UBE2W: variants seen among roughly 807,000 people sequenced by gnomAD.
UBE2W encodes ubiquitin-conjugating enzyme E2 W.
In UBE2W, 18 loss-of-function variants were observed where a neutral mutation model predicts 27.2. The ratio of observed to expected loss-of-function variants is 0.66; its 90% confidence interval spans 0.46 to 0.98. UBE2W has a LOEUF of 0.98. UBE2W is among the 50% of genes least tolerant of loss of function. UBE2W has a pLI of 0.00. For synonymous variants in UBE2W, 53 were observed against 57.2 expected, an observed-to-expected ratio of 0.93 and a Z score of 0.33; for missense variants, 90 against 180.2, an observed-to-expected ratio of 0.50 and a Z score of 2.87.
chr8:73,788,818 C>T lies in UBE2W; in HGVS notation c.*5284G>A. 1 of 985,352 alleles carries T rather than the reference C, an allele frequency of 1.0e-6. No homozygotes were observed. Among genetic ancestry groups the T allele is most frequent in the Non-Finnish European group, 1.2e-6 (1 of 829,924 alleles). The allele number at this position is 985,352 out of a possible 1,614,324, so 61.0% of individuals were successfully genotyped here. On this transcript the variant is annotated 3_prime_UTR_variant, in exon 6 of 6. Coordinates refer to ENST00000602593, the MANE Select transcript of UBE2W (RefSeq NM_018299.6). ...AGAGTGTATGTGCCAAGGACTAGAA[C>T]AAGAATTGGATCTCTCCTTTTCCCA...
At chr8:73,825,843 C>G (rs1809813850) in intron 2 of UBE2W, among the ~76,000 whole-genome samples, 1 of 152,100 alleles carries the variant, frequency 6.6e-6, no homozygotes. Flanking sequence ...GCACTGACAC[C>G]AAAGCCTGTG....
At chr8:73,781,404 C>A (rs1807839870), downstream of UBE2W, among the ~76,000 whole-genome samples, 1 of 152,078 alleles carries the variant, frequency 6.6e-6, no homozygotes, top group African/African-American at 2.4e-5. Flanking sequence ...GCTCCCGTCT[C>A]CACTTACTAA....
intron 3 of UBE2W, among the ~76,000 whole-genome samples, chr8:73,819,275 T>A (rs571563399): frequency 9.3e-4 from 142 of 152,318 alleles, no homozygotes; most frequent in African/African-American, 3.2e-3. Flanking sequence ...TTGCTTACTG[T>A]CTCTCCCCAC....
At chr8:73,786,146 AATTAATTTGTG>A, downstream of UBE2W, 3 of 892,082 alleles carry the variant, frequency 3.4e-6, no homozygotes, top group Non-Finnish European at 2.7e-6. Context: ...AGTTTAAAAC[AATTAATTTGTG>A]ACAAGCAATT....
Position 73,825,234 on chromosome 8 carries a change from C to A in UBE2W, c.123G>T (p.Met41Ile). The A allele has an allele frequency of 6.4e-7, 1 of 1,559,708 alleles. No homozygotes were observed. Among genetic ancestry groups the A allele is most frequent in the East Asian group, 2.4e-5 (1 of 42,502 alleles). Residue 41 changes from methionine to isoleucine, a missense_variant, in exon 3 of 6, where the codon ATG becomes ATT. Met to Ile is a conservative substitution (Grantham distance 10, BLOSUM62 1). Transcript: ENST00000602593. ...CATATAAGGTACCTGGTGCACCTTC[C>A]ATGTCTACAATCCACCTAGAATAGA... ...QNSITQWIVD[M>I]EGAPGTLYEG...
chr8:73,864,750 T>TTGGGGG (rs1475765458), intron 1 of UBE2W, among the ~76,000 whole-genome samples: 3 of 88,550 alleles, frequency 3.4e-5, no homozygotes, highest in Non-Finnish European at 6.0e-5. Context: ...CAAATTTTTT[T>TTGGGGG]GGGGGGGGGG....
chr8:73,806,415 A>C (rs1473168774), intron 4 of UBE2W, among the ~76,000 whole-genome samples: 1 of 150,746 alleles, frequency 6.6e-6, no homozygotes, highest in East Asian at 2.0e-4. Context: ...TAATAAAACA[A>C]AGGGCCAGGC....
At chr8:73,854,808 T>C (rs1053202126) in intron 1 of UBE2W, among the ~76,000 whole-genome samples, 3 of 152,224 alleles carry the variant, frequency 2.0e-5, no homozygotes, top group Admixed American at 6.5e-5. Context: ...AATAAACCTG[T>C]TGACCAGAAG....
intron 1 of UBE2W, among the ~76,000 whole-genome samples, chr8:73,841,429 ATTCT>A (rs1429931006): frequency 2.0e-5 from 3 of 152,330 alleles, no homozygotes; most frequent in Non-Finnish European, 4.4e-5. Context: ...GTAGGTATTC[ATTCT>A]TAGTTTAAGC....
intron 1 of UBE2W, among the ~76,000 whole-genome samples, chr8:73,846,637 T>G (rs1810813129): frequency 6.6e-6 from 1 of 152,304 alleles, no homozygotes; most frequent in South Asian, 2.1e-4. Flanking sequence ...ATTTTTGGTT[T>G]TTAGATCTTT....
rs141186628 is a variant in UBE2W, at chr8:73,791,799, C to T, written c.*2303G>A. On this transcript the variant is annotated 3_prime_UTR_variant, in exon 6 of 6. Transcript: ENST00000602593. The stretch of plus-strand genomic sequence containing the variant: ...TCTACTCTTTAAACCATAAGATGTA[C>T]CGAAATTATTTCATTTTCCTCTACT... The T allele has an allele frequency of 2.6e-4, 255 of 984,568 alleles. 1 individual carries two copies. The African/African-American group carries it at 3.7e-3, about 14-fold the overall frequency. The allele number at this position is 984,568 out of a possible 1,614,324, so 61.0% of individuals were successfully genotyped here. A position where few individuals can be genotyped will look rare whatever the true frequency, so the allele number is the denominator to read the frequency against.
intron 5 of UBE2W, among the ~76,000 whole-genome samples, 179 bp downstream of exon 5, chr8:73,805,472 C>CAAAAAAAAAAACAAAAAAAAAA: frequency 1.8e-4 from 8 of 43,676 alleles, no homozygotes; most frequent in Admixed American, 7.7e-4. Flanking sequence ...AAAAAAAAAA[C>CAAAAAAAAAAACAAAAAAAAAA]AAAAAAAACT....
intron 1 of UBE2W, among the ~76,000 whole-genome samples, chr8:73,869,912 TATATA>T (rs780921765): frequency 1.2e-4 from 19 of 152,082 alleles, no homozygotes; most frequent in Admixed American, 9.2e-4. Flanking sequence ...CAAAAGGTCA[TATATA>T]ATATAATTCC....
chr8:73,783,197 T>G (rs1403242560), downstream of UBE2W, among the ~76,000 whole-genome samples: 1 of 152,224 alleles, frequency 6.6e-6, no homozygotes, highest in Admixed American at 6.5e-5. Flanking sequence ...ATTGTCTTGT[T>G]TTCATAGTTT....
intron 2 of UBE2W, among the ~76,000 whole-genome samples, chr8:73,828,001 T>C (rs1288671232): frequency 1.3e-5 from 2 of 152,328 alleles, no homozygotes; most frequent in Admixed American, 6.5e-5. Context: ...TCGAAGCCTA[T>C]ATGAAATGGC....
At chr8:73,835,395 A>G (rs1482042671) in intron 1 of UBE2W, among the ~76,000 whole-genome samples, 1 of 152,130 alleles carries the variant, frequency 6.6e-6, no homozygotes, top group Non-Finnish European at 1.5e-5. Context: ...TGTGTGACCA[A>G]TGGAATACAG....
intron 5 of UBE2W, among the ~76,000 whole-genome samples, 194 bp from the exon 6 acceptor site, chr8:73,794,309 A>C (rs1234922538): frequency 6.6e-6 from 1 of 152,238 alleles, no homozygotes; most frequent in East Asian, 1.9e-4. Context: ...TTATTCTTTC[A>C]GAGAAATAGT....
At chr8:73,866,289 AAATATATAT>A (rs1444107513) in intron 1 of UBE2W, among the ~76,000 whole-genome samples, 12 of 88,888 alleles carry the variant, frequency 1.4e-4, no homozygotes, top group South Asian at 3.8e-4. Context: ...AAAAAAAAAA[AAATATATAT>A]ATATATATAT....
rs1274831876 is a variant in UBE2W, at chr8:73,787,098, G to A, written c.*7004C>T. Reference sequence around the variant, plus strand: ...CATAATCCACTTAACTGTAAAGGGCGTAGGGATTCCCACTTATGTATTTTG... The same window carrying A: ...CATAATCCACTTAACTGTAAAGGGCATAGGGATTCCCACTTATGTATTTTG... On this transcript the variant is annotated 3_prime_UTR_variant, in exon 6 of 6. Transcript: ENST00000602593. 9 of 985,256 alleles carry A rather than the reference G, an allele frequency of 9.1e-6. No individual in the cohort carries two copies. The South Asian group carries it at 1.9e-4, about 21-fold the overall frequency. The allele number at this position is 985,256 out of a possible 1,614,324, so 61.0% of individuals were successfully genotyped here.
Sources: gnomAD v4.1 joint callset for allele counts (sites outside exome capture counted in the v4.1 genomes callset) on GRCh38, gnomAD v4.1.1 for gene constraint, MANE v1.5 for transcripts, NCBI Gene and HGNC (gene_info 2026-07-23, HGNC 2026-07-21) for gene names.